Variants in ABLIM2 observed in about 807,000 individuals in gnomAD.
ABLIM2 encodes the protein actin binding LIM protein family member 2, also known as actin-binding LIM protein 2.
In ABLIM2, 53 loss-of-function variants were observed where a neutral mutation model predicts 97.7. The observed-to-expected ratio is 0.54, with a 90% CI of 0.44 to 0.68. ABLIM2 has a LOEUF of 0.68. ABLIM2 is among the 30% of genes least tolerant of loss of function. The pLI is 0.00. For synonymous variants in ABLIM2, 361 were observed against 345.8 expected (o/e 1.04, Z -0.49); for missense variants, 835 against 867.2 (o/e 0.96, Z 0.47).
intron 20 of ABLIM2, among the ~76,000 whole-genome samples, chr4:7,969,117 G>A (rs938854744): frequency 6.6e-5 from 10 of 151,792 alleles, no homozygotes; most frequent in Admixed American, 5.9e-4. Flanking sequence ...GGGTGACAGA[G>A]TAAGACTCCA....
At chr4:8,118,277 G>A (rs897459247) in intron 1 of ABLIM2, among the ~76,000 whole-genome samples, 1 of 152,170 alleles carries the variant, frequency 6.6e-6, no homozygotes, top group African/African-American at 2.4e-5. Context: ...AGTTCCAGAA[G>A]AGCACTCCAC....
rs1847652272 is a variant in ABLIM2 at position 8,125,874 on chromosome 4, C to T, written c.11-19237G>A. Among the ~76,000 whole-genome samples, 1 of 152,228 alleles carries T rather than the reference C, an allele frequency of 6.6e-6. No homozygotes were observed. Among genetic ancestry groups the T allele is most frequent in the Non-Finnish European group, 1.5e-5 (1 of 68,032 alleles). On this transcript the variant is annotated intron_variant, in intron 1 of 20. Coordinates refer to ENST00000447017, the MANE Select transcript of ABLIM2 (RefSeq NM_001130083.2). The surrounding 1 kb of genome is among the most constrained non-coding windows in gnomAD (Gnocchi z 6.2). ...CCTCCTGGGCAGGAGGGCGAACTCACACTCGGCTGTGCGTGGGCAGCCTTG... is the reference window on the plus strand; with the variant it reads ...CCTCCTGGGCAGGAGGGCGAACTCATACTCGGCTGTGCGTGGGCAGCCTTG...
intron 7 of ABLIM2, among the ~76,000 whole-genome samples, chr4:8,059,515 T>C (rs1315174578): frequency 6.6e-6 from 1 of 151,892 alleles, no homozygotes. Context: ...GTGCCCCCTG[T>C]CCCCCGGCCC....
At chr4:8,036,342 C>T (rs1042730549) in intron 9 of ABLIM2, 47 bp from the exon 10 acceptor site, 2 of 1,600,140 alleles carry the variant, frequency 1.2e-6, no homozygotes, top group Non-Finnish European at 1.7e-6. Context: ...CCAGATGCAC[C>T]CCAGAGGGCA....
rs1012593388 is a variant in ABLIM2, at chr4:8,015,908, T to A, written c.1423+3710A>T. 6.6e-6 allele frequency among the ~76,000 whole-genome samples: 1 copy of A among 152,194 alleles called. No homozygotes were observed. ...TGAGTTTTTCATCTTTTATGCATAT[T>A]TTCCTAAATTTTATATAGCAAATCG... is the stretch of plus-strand genomic sequence containing the variant. On this transcript the variant is annotated intron_variant, in intron 14 of 20. Coordinates refer to ENST00000447017, the MANE Select transcript of ABLIM2 (RefSeq NM_001130083.2). This position sits in a 1 kb window ranked among gnomAD's most constrained non-coding sequence, Gnocchi z 4.6.
At chr4:8,158,321 G>A (rs1262341256) in intron 1 of ABLIM2, among the ~76,000 whole-genome samples, 1 of 152,150 alleles carries the variant, frequency 6.6e-6, no homozygotes, top group Non-Finnish European at 1.5e-5. Context: ...TGGGGCCCCG[G>A]CCCTTCGCCC....
In ABLIM2 at chr4:8,061,088, T is replaced by C. The variant is rs374641257; in HGVS notation, c.676-34A>G. 3.9e-4 allele frequency: 608 copies of C among 1,554,214 alleles called. 2 individuals carry two copies. In the Middle Eastern group the frequency reaches 7.7e-3, roughly 20 times the overall value. On this transcript the variant is annotated intron_variant, in intron 6 of 20. Transcript: ENST00000447017. The surrounding 1 kb of genome is among the most constrained non-coding windows in gnomAD (Gnocchi z 4.5). ...AAAGCACAAAGCAGAATGTTTCTAC[T>C]AAAGCCAGAAAGGTCGGCTGGGTCC...
Position 8,120,093 on chromosome 4 carries a change from G to A in ABLIM2, c.11-13456C>T, listed in dbSNP as rs113452088. Among the ~76,000 whole-genome samples, 2 of 152,182 alleles carry A rather than the reference G, an allele frequency of 1.3e-5. No individual in the cohort carries two copies. The highest frequency in any genetic ancestry group is 4.8e-5 in the African/African-American group (2 of 41,444). ...CAGACGTCGGGCGGCAGGGTCCCTGGCGGCCCCCAGAGCCTGAGAGGAGCC... is the reference window on the plus strand; with the variant it reads ...CAGACGTCGGGCGGCAGGGTCCCTGACGGCCCCCAGAGCCTGAGAGGAGCC... On this transcript the variant is annotated intron_variant, in intron 1 of 20. Coordinates refer to ENST00000447017, the MANE Select transcript of ABLIM2 (RefSeq NM_001130083.2). The surrounding 1 kb of genome is among the most constrained non-coding windows in gnomAD (Gnocchi z 5.6).
rs1561570832 is a variant in ABLIM2 at position 8,124,895 on chromosome 4, G to A, written c.11-18258C>T. On this transcript the variant is annotated intron_variant, in intron 1 of 20. Coordinates refer to ENST00000447017, the MANE Select transcript of ABLIM2 (RefSeq NM_001130083.2). The surrounding 1 kb of genome is among the most constrained non-coding windows in gnomAD (Gnocchi z 6.1). ...CCCACAGCCTGCTCTGGGTGTGCCTGCGATTTTGATCCAGCCATTCTAGCG... is the reference window on the plus strand; with the variant it reads ...CCCACAGCCTGCTCTGGGTGTGCCTACGATTTTGATCCAGCCATTCTAGCG... Among the ~76,000 whole-genome samples, 1 of 152,306 alleles carries A rather than the reference G, an allele frequency of 6.6e-6. No homozygotes were observed. The highest frequency in any genetic ancestry group is 1.5e-5 in the Non-Finnish European group (1 of 68,026).
chr4:8,070,049 G>A (rs181585214), intron 6 of ABLIM2, among the ~76,000 whole-genome samples: 3,235 of 151,920 alleles, frequency 0.021, 126 homozygotes, highest in African/African-American at 0.074. Flanking sequence ...GTGTGTGTAT[G>A]TATCTGTGTA....
intron 1 of ABLIM2, among the ~76,000 whole-genome samples, chr4:8,126,573 C>T (rs567585193): frequency 6.6e-6 from 1 of 152,144 alleles, no homozygotes; most frequent in East Asian, 1.9e-4. Context: ...GCTGGTTGTT[C>T]GTATCTAAGG....
At chr4:8,065,086 CA>C (rs1187713369) in intron 6 of ABLIM2, among the ~76,000 whole-genome samples, 1 of 151,764 alleles carries the variant, frequency 6.6e-6, no homozygotes, top group Admixed American at 6.6e-5. Flanking sequence ...ATGGTCTCTA[CA>C]AAAAAAATTG....
chr4:8,016,666 C>T (rs1193850340), intron 14 of ABLIM2, among the ~76,000 whole-genome samples: 1 of 152,164 alleles, frequency 6.6e-6, no homozygotes, highest in East Asian at 1.9e-4. Context: ...CAGCTCCTGC[C>T]TGCGTGCTGG....
At chr4:8,100,521 CG>C in intron 2 of ABLIM2, among the ~76,000 whole-genome samples, 1 of 152,088 alleles carries the variant, frequency 6.6e-6, no homozygotes, top group African/African-American at 2.4e-5. Context: ...CTGAGGGGGG[CG>C]GATCACCTGA....
intron 1 of ABLIM2, among the ~76,000 whole-genome samples, chr4:8,145,735 TAC>T (rs762524143): frequency 2.5e-3 from 292 of 118,016 alleles, no homozygotes; most frequent in South Asian, 5.0e-3. Flanking sequence ...ATCCCCAGAC[TAC>T]ACACTCATAC....
intron 20 of ABLIM2, among the ~76,000 whole-genome samples, chr4:7,981,281 T>C (rs114529567): frequency 0.012 from 1,819 of 152,212 alleles, 25 homozygotes; most frequent in Middle Eastern, 0.024. Flanking sequence ...CTCCTTTCTA[T>C]TGATTACAGG....
intron 2 of ABLIM2, among the ~76,000 whole-genome samples, chr4:8,098,212 C>T (rs71603910): frequency 6.6e-6 from 1 of 152,206 alleles, no homozygotes; most frequent in Non-Finnish European, 1.5e-5. Context: ...CCCCTGCAGC[C>T]CCAGCCCCTC....
intron 1 of ABLIM2, among the ~76,000 whole-genome samples, chr4:8,144,289 G>C (rs1204070597): frequency 1.3e-5 from 2 of 152,236 alleles, no homozygotes; most frequent in Non-Finnish European, 2.9e-5. Flanking sequence ...CTAGGAGGCT[G>C]TGGGTCACAT....
In ABLIM2 at chr4:8,158,690, C is replaced by A; in HGVS notation, c.-1G>T. 6.8e-7 allele frequency: 1 copy of A among 1,469,678 alleles called. No individual in the cohort carries two copies. Among genetic ancestry groups the A allele is most frequent in the Admixed American group, 2.4e-5 (1 of 41,772 alleles). The allele number at this position is 1,469,678 out of a possible 1,614,324, so 91.0% of individuals were successfully genotyped here. ...GTCCCCAGCACCCACCTGCACTCAT[C>A]TCAGCAGCCGCTCGGAGTCGGGGCG... On this transcript the variant is annotated 5_prime_UTR_variant, in exon 1 of 21. Transcript: ENST00000447017.
Sources: allele counts gnomAD v4.1 joint callset (sites outside exome capture counted in the v4.1 genomes callset), GRCh38; gene constraint gnomAD v4.1.1; non-coding constraint Gnocchi (gnomAD v3.1); transcripts MANE v1.5; gene names NCBI Gene and HGNC (gene_info 2026-07-23, HGNC 2026-07-21).